The following EEFSEC variants were observed in gnomAD, a reference collection of about 807,000 sequenced individuals.
The protein encoded by EEFSEC is eukaryotic elongation factor, selenocysteine-tRNA specific, also known as selenocysteine-specific elongation factor.
A neutral mutation model predicts 42.1 loss-of-function variants in EEFSEC; 43 were observed. The ratio of observed to expected loss-of-function variants is 1.02; its 90% CI spans 0.80 to 1.32. The LOEUF is 1.32. EEFSEC is among the 40% of genes most tolerant of loss of function. The pLI is 0.00. For missense variants in EEFSEC, 745 were observed against 803.6 expected (o/e 0.93, Z 0.88); for synonymous variants, 354 against 339.1 (o/e 1.04, Z -0.48).
chr3:128,281,149 G>A (rs1235358862), intron 4 of EEFSEC, among the ~76,000 whole-genome samples: 1 of 152,214 alleles, frequency 6.6e-6, no homozygotes, highest in Non-Finnish European at 1.5e-5. Flanking sequence ...TTTAACAGGT[G>A]AGGGGAATCC....
chr3:128,286,854 T>C (rs944614024), intron 4 of EEFSEC, among the ~76,000 whole-genome samples: 3 of 152,234 alleles, frequency 2.0e-5, no homozygotes, highest in African/African-American at 7.2e-5. Flanking sequence ...CAGAGGCATC[T>C]ACCTATCTGC....
At chr3:128,264,411 C>T (rs1438837431) in intron 3 of EEFSEC, among the ~76,000 whole-genome samples, 1 of 152,214 alleles carries the variant, frequency 6.6e-6, no homozygotes, top group African/African-American at 2.4e-5. Context: ...GCGGAAAGAG[C>T]TGAGAGCATG....
At chr3:128,210,887 C>G (rs770234018) in intron 1 of EEFSEC, among the ~76,000 whole-genome samples, 1 of 152,218 alleles carries the variant, frequency 6.6e-6, no homozygotes, top group Non-Finnish European at 1.5e-5. Flanking sequence ...TTTTTTCCTG[C>G]CCATTTCTGT....
At chr3:128,176,729 A>G (rs763205050) in intron 1 of EEFSEC, among the ~76,000 whole-genome samples, 2 of 152,204 alleles carry the variant, frequency 1.3e-5, no homozygotes, top group Non-Finnish European at 1.5e-5. Context: ...TTTGTTAGCT[A>G]TATGGTCTTG....
chr3:128,241,884 A>C (rs1287738454), intron 1 of EEFSEC, among the ~76,000 whole-genome samples: 1 of 152,258 alleles, frequency 6.6e-6, no homozygotes, highest in African/African-American at 2.4e-5. Flanking sequence ...TAAGATGAGG[A>C]GCCTGAGGCA....
In EEFSEC at chr3:128,164,602, G is replaced by C. The variant is rs76164822; in HGVS notation, c.316+10779G>C. 6.9e-3 allele frequency among the ~76,000 whole-genome samples: 1,058 copies of C among 152,332 alleles called. 13 individuals carry two copies. Among genetic ancestry groups the C allele is most frequent in the African/African-American group, 0.023 (972 of 41,542 alleles). Reference sequence around the variant, plus strand: ...GCCAGGTTGGCTGGGTCACAGGCCAGTCCAACTGGCTTGTGGGAATTGTGA... The same window carrying C: ...GCCAGGTTGGCTGGGTCACAGGCCACTCCAACTGGCTTGTGGGAATTGTGA... On this transcript the variant is annotated intron_variant, in intron 1 of 6. Coordinates refer to ENST00000254730, the MANE Select transcript of EEFSEC (RefSeq NM_021937.5).
At chr3:128,410,105 C>T (rs1193778437), downstream of EEFSEC, among the ~76,000 whole-genome samples, 2 of 152,204 alleles carry the variant, frequency 1.3e-5, no homozygotes, top group Admixed American at 1.3e-4. Context: ...GAGCACTTGC[C>T]AGTGCTGTCC....
intron 1 of EEFSEC, among the ~76,000 whole-genome samples, chr3:128,181,521 A>ATAT (rs1160476069): frequency 6.6e-6 from 1 of 152,198 alleles, no homozygotes; most frequent in African/African-American, 2.4e-5. Flanking sequence ...AACAAAAGAG[A>ATAT]AGCGGTGATA....
intron 1 of EEFSEC, among the ~76,000 whole-genome samples, chr3:128,214,579 A>G (rs1304535564): frequency 6.6e-6 from 1 of 152,242 alleles, no homozygotes; most frequent in Non-Finnish European, 1.5e-5. Context: ...TCTTAGTTAT[A>G]TAAAATGAGG....
chr3:128,304,962 C>T (rs2066810728), intron 4 of EEFSEC, among the ~76,000 whole-genome samples: 1 of 152,182 alleles, frequency 6.6e-6, no homozygotes, highest in African/African-American at 2.4e-5. Flanking sequence ...GCTTGACCTC[C>T]AAAAGTGCTG....
At position 128,246,828 on chromosome 3, in the gene EEFSEC, T is replaced by C. The variant is rs1167456949; in HGVS notation, c.317-8T>C. Reference sequence around the variant, plus strand: ...TTCCCTTTCTAACCTTCTCTTCTCTTATTCCAGGGGCCCAGATCATTGATC... The same window carrying C: ...TTCCCTTTCTAACCTTCTCTTCTCTCATTCCAGGGGCCCAGATCATTGATC... On this transcript the variant is annotated splice_region_variant and splice_polypyrimidine_tract_variant and intron_variant, in intron 1 of 6. Coordinates refer to ENST00000254730, the MANE Select transcript of EEFSEC (RefSeq NM_021937.5). 4 of 1,613,256 alleles carry C rather than the reference T, an allele frequency of 2.5e-6. No homozygotes were observed. Among genetic ancestry groups the C allele is most frequent in the Non-Finnish European group, 2.5e-6 (3 of 1,179,788 alleles).
chr3:128,153,980 G>A, intron 1 of EEFSEC, 157 bp downstream of exon 1: 2 of 1,118,836 alleles, frequency 1.8e-6, no homozygotes, highest in Non-Finnish European at 1.2e-6. Flanking sequence ...ACTTGCCTAG[G>A]GCTCCGCAGC....
chr3:128,181,672 G>A (rs949529215), intron 1 of EEFSEC, among the ~76,000 whole-genome samples: 1 of 152,210 alleles, frequency 6.6e-6, no homozygotes, highest in Non-Finnish European at 1.5e-5. Context: ...ACCTGGGCTG[G>A]TGGGGGGCGG....
At chr3:128,410,306 G>T (rs566911323), downstream of EEFSEC, among the ~76,000 whole-genome samples, 10 of 152,338 alleles carry the variant, frequency 6.6e-5, no homozygotes, top group South Asian at 2.1e-3. Flanking sequence ...CCTGCACATT[G>T]GGACAGAAAG....
At chr3:128,324,597 T>G (rs1253152002) in intron 4 of EEFSEC, among the ~76,000 whole-genome samples, 1 of 152,186 alleles carries the variant, frequency 6.6e-6, no homozygotes, top group Non-Finnish European at 1.5e-5. Context: ...GGAAAGTTGC[T>G]CTTTTATTTT....
chr3:128,408,014 G>A, intron 6 of EEFSEC, 55 bp from the exon 7 acceptor site: 2 of 1,474,830 alleles, frequency 1.4e-6, no homozygotes, highest in Non-Finnish European at 9.0e-7. Flanking sequence ...CGGGCAGGGA[G>A]CCCACGGGTG....
chr3:128,179,071 T>C (rs1292797218), intron 1 of EEFSEC, among the ~76,000 whole-genome samples: 2 of 152,230 alleles, frequency 1.3e-5, no homozygotes, highest in Non-Finnish European at 2.9e-5. Context: ...ATTTTAACAC[T>C]TGGGAGTCAC....
chr3:128,362,907 A>G (rs997591909), intron 6 of EEFSEC, among the ~76,000 whole-genome samples: 1 of 152,206 alleles, frequency 6.6e-6, no homozygotes, highest in Non-Finnish European at 1.5e-5. Flanking sequence ...TAAAATAGAG[A>G]TCTTACTTTT....
chr3:128,247,966 T>C (rs2066145166), intron 2 of EEFSEC, among the ~76,000 whole-genome samples: 2 of 151,982 alleles, frequency 1.3e-5, no homozygotes, highest in African/African-American at 4.8e-5. Flanking sequence ...TCACAGTAAG[T>C]GTGGAAGAAA....
Sources: gnomAD v4.1 joint callset for allele counts (sites outside exome capture counted in the v4.1 genomes callset) on GRCh38, gnomAD v4.1.1 for gene constraint, MANE v1.5 for transcripts, NCBI Gene and HGNC (gene_info 2026-07-23, HGNC 2026-07-21) for gene names.